VAV2: variants seen among roughly 807,000 people sequenced by gnomAD.
The protein encoded by VAV2 is guanine nucleotide exchange factor VAV2.
Under a neutral mutation model 132.5 loss-of-function variants are expected in VAV2, and 67 were observed. The ratio of observed to expected loss-of-function variants is 0.51; its 90% CI spans 0.42 to 0.62. VAV2 has a LOEUF of 0.62. Ranked by LOEUF, VAV2 falls within the 20% of genes least tolerant of loss-of-function variation. VAV2 has a pLI of 0.00. For synonymous variants in VAV2, 492 were observed against 443.5 expected (o/e 1.11, Z -1.37); for missense variants, 938 against 1,153.6 (o/e 0.81, Z 2.71).
chr9:133,957,521 G>T (rs917745793), intron 1 of VAV2, among the ~76,000 whole-genome samples: 4 of 151,996 alleles, frequency 2.6e-5, no homozygotes, highest in African/African-American at 9.7e-5. Flanking sequence ...AGGTGTCCCA[G>T]CTCCCTGCCT....
In VAV2 at chr9:133,768,744, TG is replaced by T. The variant is rs1244596800; in HGVS notation, c.2435-149del. ...GGAAGGATGTCAAGCAGAAAGGCTC[TG>T]GAGGGACACACTGGCCTCCAATCCC... On this transcript the variant is annotated intron_variant, in intron 28 of 29. Transcript: ENST00000371850. This position sits in a 1 kb window ranked among gnomAD's most constrained non-coding sequence, Gnocchi z 5.3. 27 of 1,091,168 alleles carry T rather than the reference TG, an allele frequency of 2.5e-5. No individual in the cohort carries two copies. In the East Asian group the frequency reaches 6.8e-4, roughly 28 times the overall value. The allele number at this position is 1,091,168 out of a possible 1,614,324, so 67.6% of individuals were successfully genotyped here.
At chr9:133,764,502 G>C (rs1833371384) in intron 29 of VAV2, among the ~76,000 whole-genome samples, 1 of 152,224 alleles carries the variant, frequency 6.6e-6, no homozygotes, top group Non-Finnish European at 1.5e-5. Flanking sequence ...TCATCTGTCA[G>C]GGGAGATTAA....
Position 133,785,870 on chromosome 9 carries a change from A to G in VAV2, c.1438T>C (p.Tyr480His), listed in dbSNP as rs1320534584. 1 of 1,613,512 alleles carries G rather than the reference A, an allele frequency of 6.2e-7. No individual in the cohort carries two copies. The change falls in exon 17 of 30, where the codon TAC becomes CAC. Residue 480 changes from tyrosine (Y) to histidine (H), a missense_variant. Coordinates refer to ENST00000371850, the MANE Select transcript of VAV2 (RefSeq NM_001134398.2). ...SHGKMWSYGF[Y>H]LIHLQGKQGF... ...TGCTTTCCTTGAAGGTGAATTAGGTAGAAGCCGTAGGACCACTGCAGGGGG... is the reference window on the plus strand; with the variant it reads ...TGCTTTCCTTGAAGGTGAATTAGGTGGAAGCCGTAGGACCACTGCAGGGGG...
chr9:133,848,212 G>A (rs1564402536), intron 3 of VAV2, among the ~76,000 whole-genome samples: 1 of 149,566 alleles, frequency 6.7e-6, no homozygotes, highest in Non-Finnish European at 1.5e-5. Flanking sequence ...CCCAGGAGGC[G>A]GAGCTTGCAG....
At chr9:133,903,829 A>G (rs1839537930) in intron 2 of VAV2, among the ~76,000 whole-genome samples, 1 of 152,194 alleles carries the variant, frequency 6.6e-6, no homozygotes, top group South Asian at 2.1e-4. Context: ...AGACCCGGAG[A>G]GGGCTCGGGG....
intron 2 of VAV2, among the ~76,000 whole-genome samples, chr9:133,909,488 G>A (rs1026677278): frequency 6.6e-6 from 1 of 152,120 alleles, no homozygotes; most frequent in African/African-American, 2.4e-5. Context: ...TCCAGCTATG[G>A]GCCCCACCTC....
intron 1 of VAV2, among the ~76,000 whole-genome samples, chr9:133,957,439 G>T (rs1841819880): frequency 6.6e-6 from 1 of 152,094 alleles, no homozygotes; most frequent in South Asian, 2.1e-4. Flanking sequence ...TGTGTGTGTG[G>T]TGTTTTCTAC....
At position 133,885,885 on chromosome 9, in the gene VAV2, T is replaced by G. The variant is rs1021529614; in HGVS notation, c.322-24453A>C. On this transcript the variant is annotated intron_variant, in intron 2 of 29. Transcript: ENST00000371850. This position sits in a 1 kb window ranked among gnomAD's most constrained non-coding sequence, Gnocchi z 5.0. ...CCCATTGGTGACAACCAAACTCAGG[T>G]GTTCCTGAGTGTTCCTGAGAACCAG... 2.0e-5 allele frequency among the ~76,000 whole-genome samples: 3 copies of G among 151,782 alleles called. No homozygotes were observed. The highest frequency in any genetic ancestry group is 4.9e-5 in the African/African-American group (2 of 41,094).
intron 22 of VAV2, 122 bp from the exon 23 acceptor site, chr9:133,777,585 T>A: frequency 1.0e-6 from 1 of 979,312 alleles, no homozygotes; most frequent in Non-Finnish European, 1.5e-6. Flanking sequence ...AGCCAATGTC[T>A]TCTTTCCCAA....
chr9:133,829,735 T>C (rs566649310), intron 4 of VAV2, among the ~76,000 whole-genome samples: 1 of 152,266 alleles, frequency 6.6e-6, no homozygotes, highest in Non-Finnish European at 1.5e-5. Context: ...ACTTCTGGCC[T>C]CAAGCAATCC....
chr9:133,788,495 G>C lies in VAV2; in HGVS notation c.1275-9C>G, dbSNP rs146313556. 0.014 allele frequency: 22,007 copies of C among 1,604,214 alleles called. 191 individuals carry two copies. The highest frequency in any genetic ancestry group is 0.015 in the Non-Finnish European group (17,441 of 1,172,074). On this transcript the variant is annotated splice_polypyrimidine_tract_variant and intron_variant, in intron 14 of 29. Transcript: ENST00000371850. This position sits in a 1 kb window ranked among gnomAD's most constrained non-coding sequence, Gnocchi z 5.3. The stretch of plus-strand genomic sequence containing the variant: ...CAAACAGGAACAAGTACCTGGGCCA[G>C]GCAGCGCAGCGGGGGATCAGCACCC...
chr9:133,982,255 G>A (rs532123532), intron 1 of VAV2, among the ~76,000 whole-genome samples: 7 of 147,058 alleles, frequency 4.8e-5, no homozygotes, highest in Admixed American at 4.0e-4. Flanking sequence ...AGGGAGACTC[G>A]GCAGGGGCGA....
intron 2 of VAV2, among the ~76,000 whole-genome samples, chr9:133,867,865 C>G (rs1837869053): frequency 6.6e-6 from 1 of 152,238 alleles, no homozygotes; most frequent in Non-Finnish European, 1.5e-5. Context: ...GCCGGCTCAG[C>G]TGAGTGCTGG....
intron 1 of VAV2, among the ~76,000 whole-genome samples, chr9:133,989,939 G>A (rs1183644400): frequency 2.0e-5 from 3 of 152,238 alleles, no homozygotes; most frequent in Non-Finnish European, 2.9e-5. Context: ...CAGCCTCAGC[G>A]ACACAGGGCA....
intron 1 of VAV2, among the ~76,000 whole-genome samples, chr9:133,972,739 G>A (rs867761769): frequency 2.0e-5 from 3 of 152,114 alleles, no homozygotes; most frequent in African/African-American, 4.8e-5. Context: ...GCAGACACCC[G>A]CCCAAGCCCT....
At position 133,793,230 on chromosome 9, in the gene VAV2, G is replaced by A. The variant is rs1429983111; in HGVS notation, c.1102-1361C>T. Among the ~76,000 whole-genome samples, 8 of 152,056 alleles carry A rather than the reference G, an allele frequency of 5.3e-5. No individual in the cohort carries two copies. The East Asian group carries it at 1.5e-3, about 29-fold the overall frequency. On this transcript the variant is annotated intron_variant, in intron 12 of 29. Transcript: ENST00000371850. The stretch of plus-strand genomic sequence containing the variant: ...CAGTGTCCAGACCTGGCCCACAGCG[G>A]AACCCAAGGGAGCCGGCCACGTGGG...
chr9:133,952,385 T>C (rs2132184387), intron 1 of VAV2, among the ~76,000 whole-genome samples: 1 of 152,162 alleles, frequency 6.6e-6, no homozygotes, highest in East Asian at 1.9e-4. Context: ...AAGCAGATCA[T>C]GAGGTCAGGA....
chr9:133,860,301 C>CA (rs776006662), intron 3 of VAV2, among the ~76,000 whole-genome samples: 189 of 115,144 alleles, frequency 1.6e-3, no homozygotes, highest in African/African-American at 2.1e-3. Context: ...GACTCCAGCT[C>CA]AAAAAAAAAA....
At chr9:133,962,103 AC>A in intron 1 of VAV2, among the ~76,000 whole-genome samples, 1 of 151,940 alleles carries the variant, frequency 6.6e-6, no homozygotes, top group Non-Finnish European at 1.5e-5. Flanking sequence ...AGCAGACAGA[AC>A]CCCACAGGAG....
Sources: allele counts gnomAD v4.1 joint callset (sites outside exome capture counted in the v4.1 genomes callset), GRCh38; gene constraint gnomAD v4.1.1; non-coding constraint Gnocchi (gnomAD v3.1); transcripts MANE v1.5; gene names NCBI Gene and HGNC (gene_info 2026-07-23, HGNC 2026-07-21).